MYLK: variants seen among roughly 807,000 people sequenced by gnomAD.
MYLK encodes myosin light chain kinase, also known as myosin light chain kinase, smooth muscle.
In MYLK, 106 loss-of-function variants were observed where a neutral mutation model predicts 203.4. That is an observed-to-expected ratio of 0.52 (90% CI 0.45 to 0.61). The LOEUF (loss-of-function observed/expected upper bound fraction) is 0.61. Among genes scored for constraint, MYLK ranks in the 20% least tolerant of loss-of-function variants. The pLI is 0.00. For synonymous variants in MYLK, 867 were observed against 959.5 expected (o/e 0.90, Z 1.78); for missense variants, 2,072 against 2,442.3 (o/e 0.85, Z 3.20).
At chr3:123,622,892 A>C (rs1262795147) in intron 31 of MYLK, 1 of 152,168 alleles carries the variant, frequency 6.6e-6, no homozygotes, top group Non-Finnish European at 1.5e-5. Context: ...CCAAGTTTTG[A>C]TTTTGTAATT....
intron 24 of MYLK, among the ~76,000 whole-genome samples, chr3:123,652,137 T>A (rs1265822375): frequency 6.6e-6 from 1 of 152,116 alleles, no homozygotes; most frequent in African/African-American, 2.4e-5. Context: ...TCCCTTCTTG[T>A]CCTGCCTCTC....
chr3:123,808,630 C>T (rs986094143), intron 3 of MYLK, among the ~76,000 whole-genome samples: 16 of 152,160 alleles, frequency 1.1e-4, no homozygotes, highest in African/African-American at 3.1e-4. Context: ...TCAGGGATGG[C>T]TAAGTCAGAG....
intron 10 of MYLK, among the ~76,000 whole-genome samples, 199 bp downstream of exon 10, chr3:123,733,488 G>A (rs2062560150): frequency 6.6e-6 from 1 of 152,178 alleles, no homozygotes; most frequent in Admixed American, 6.5e-5. Context: ...GCTACTGTTA[G>A]GGGTCTCTCC....
intron 2 of MYLK, among the ~76,000 whole-genome samples, chr3:123,852,251 G>C (rs903824693): frequency 1.3e-5 from 2 of 152,106 alleles, no homozygotes; most frequent in Admixed American, 6.5e-5. Context: ...GGATGATGCT[G>C]GCCTCATAAA....
chr3:123,646,404 G>A (rs1205825670), intron 27 of MYLK, among the ~76,000 whole-genome samples: 2 of 152,172 alleles, frequency 1.3e-5, no homozygotes, highest in East Asian at 3.8e-4. Flanking sequence ...ATTTTTTGAG[G>A]TGATTGTAGC....
At chr3:123,758,732 C>T (rs2063440420) in intron 4 of MYLK, among the ~76,000 whole-genome samples, 3 of 152,196 alleles carry the variant, frequency 2.0e-5, no homozygotes. Flanking sequence ...CCAACCTTAT[C>T]AACACATGCA....
intron 18 of MYLK, among the ~76,000 whole-genome samples, chr3:123,698,270 G>A (rs920374980): frequency 2.6e-5 from 4 of 152,144 alleles, no homozygotes; most frequent in Non-Finnish European, 1.5e-5. Flanking sequence ...CACTAGCAAA[G>A]AAGAACTCAA....
Position 123,610,694 on chromosome 3 carries a change from G to C in MYLK, c.*3411C>G, listed in dbSNP as rs1186689481. 6.6e-6 allele frequency: 1 copy of C among 152,194 alleles called. No individual in the cohort carries two copies. Among genetic ancestry groups the C allele is most frequent in the Non-Finnish European group, 1.5e-5 (1 of 68,044 alleles). 9.4% of individuals were successfully genotyped at this position (152,194 alleles called of 1,614,324 possible). On this transcript the variant is annotated 3_prime_UTR_variant, in exon 34 of 34. Coordinates refer to ENST00000360304, the MANE Select transcript of MYLK (RefSeq NM_053025.4). ...GAAGGAGTCCCAAGGGATAAAGAGA[G>C]TAGTGCTACTTGTGTTTTCTTGAAA...
chr3:123,786,830 C>T (rs950632785), intron 4 of MYLK, among the ~76,000 whole-genome samples: 7 of 152,122 alleles, frequency 4.6e-5, no homozygotes, highest in Non-Finnish European at 4.4e-5. Flanking sequence ...ACTATGTATA[C>T]ATGGCCCATT....
rs551843172 is a variant in MYLK at position 123,789,797 on chromosome 3, T to G, written c.165+3880A>C. Among the ~76,000 whole-genome samples, 85 of 152,216 alleles carry G rather than the reference T, an allele frequency of 5.6e-4. 1 individual carries two copies. The South Asian group carries it at 0.017, about 30-fold the overall frequency. On this transcript the variant is annotated intron_variant, in intron 4 of 33. Coordinates refer to ENST00000360304, the MANE Select transcript of MYLK (RefSeq NM_053025.4). ...ACTTCCTCTCATAAACCCTAGGCCC[T>G]GCTGGTTCAAGCCTAATGGCCACAG...
At chr3:123,742,636 T>A (rs1194765294) in intron 5 of MYLK, among the ~76,000 whole-genome samples, 1 of 152,162 alleles carries the variant, frequency 6.6e-6, no homozygotes, top group Non-Finnish European at 1.5e-5. Context: ...TAACATTTCA[T>A]CACAAAATAT....
At position 123,733,843 on chromosome 3, in the gene MYLK, T is replaced by C. The variant is rs777019877; in HGVS notation, c.1153A>G (p.Arg385Gly). 1 of 1,614,160 alleles carries C rather than the reference T, an allele frequency of 6.2e-7. No individual in the cohort carries two copies. Among genetic ancestry groups the C allele is most frequent in the African/African-American group, 1.3e-5 (1 of 75,044 alleles). Reference protein sequence around the residue: ...APPRPATFPTRQPGLGSQDVV... With the variant: ...APPRPATFPTGQPGLGSQDVV... ...TCTTGGCTCCCCAGGCCAGGCTGCCTGGTGGGGAAGGTGGCTGGACGGGGA... is the reference window on the plus strand; with the variant it reads ...TCTTGGCTCCCCAGGCCAGGCTGCCCGGTGGGGAAGGTGGCTGGACGGGGA... Residue 385 changes from arginine to glycine, a missense_variant, in exon 10 of 34, where the codon AGG (arginine) becomes GGG (glycine). Coordinates refer to ENST00000360304, the MANE Select transcript of MYLK (RefSeq NM_053025.4).
intron 20 of MYLK, among the ~76,000 whole-genome samples, chr3:123,669,473 A>G (rs904594726): frequency 6.6e-6 from 1 of 151,930 alleles, no homozygotes; most frequent in Admixed American, 6.6e-5. Context: ...GATAACTGGC[A>G]ACATCTGAAT....
Position 123,700,843 on chromosome 3 carries a change from C to T in MYLK, c.2625G>A (p.Arg875=), listed in dbSNP as rs1192473882. 1 of 1,614,078 alleles carries T rather than the reference C, an allele frequency of 6.2e-7. No homozygotes were observed. Among genetic ancestry groups the T allele is most frequent in the Non-Finnish European group, 8.5e-7 (1 of 1,180,040 alleles). ...CAGTGTGCTGCCTCGTCTCCACGCGCCTCTTCAGCACCCCTCGCACGTCCT... is the reference window on the plus strand; with the variant it reads ...CAGTGTGCTGCCTCGTCTCCACGCGTCTCTTCAGCACCCCTCGCACGTCCT... ...DGEDVRGVLK[R]RVETRQHTEE... is the part of the protein sequence containing the mutation. The change falls in exon 18 of 34, where the codon AGG becomes AGA. Residue 875 remains arginine, a synonymous_variant. Transcript: ENST00000360304.
chr3:123,872,466 A>T (rs905416483), intron 2 of MYLK, among the ~76,000 whole-genome samples: 3 of 152,148 alleles, frequency 2.0e-5, no homozygotes, highest in African/African-American at 4.8e-5. Flanking sequence ...TCAGTCCCCA[A>T]GACTGCCCCC....
At chr3:123,615,409 C>G (rs1576291003) in intron 33 of MYLK, among the ~76,000 whole-genome samples, 5 of 151,952 alleles carry the variant, frequency 3.3e-5, no homozygotes, top group Admixed American at 3.3e-4. Context: ...TCTTGGCTCA[C>G]TGTAACCTCC....
chr3:123,709,976 A>G lies in MYLK; in HGVS notation c.1805-83T>C, dbSNP rs1273690076. On this transcript the variant is annotated intron_variant, in intron 13 of 33. Coordinates refer to ENST00000360304, the MANE Select transcript of MYLK (RefSeq NM_053025.4). The stretch of plus-strand genomic sequence containing the variant: ...AGACTAAATGACCACTTGGTACATG[A>G]CTGTGTTGATGCTCAGTTCCCACCA... 19 of 1,568,090 alleles carry G rather than the reference A, an allele frequency of 1.2e-5. No individual in the cohort carries two copies. In the African/African-American group the frequency reaches 1.6e-4, roughly 13 times the overall value.
At chr3:123,805,093 CG>C (rs558790992) in intron 3 of MYLK, among the ~76,000 whole-genome samples, 167 of 152,286 alleles carry the variant, frequency 1.1e-3, no homozygotes, top group African/African-American at 3.4e-3. Flanking sequence ...TGCCATCACT[CG>C]TTTGGCTCTG....
At chr3:123,877,938 T>C (rs1017731425) in intron 1 of MYLK, among the ~76,000 whole-genome samples, 2 of 152,184 alleles carry the variant, frequency 1.3e-5, no homozygotes, top group African/African-American at 4.8e-5. Flanking sequence ...GAATGAAGTA[T>C]ACCTAGCCCT....
Sources: gnomAD v4.1 joint callset for allele counts (sites outside exome capture counted in the v4.1 genomes callset) on GRCh38, gnomAD v4.1.1 for gene constraint, MANE v1.5 for transcripts, NCBI Gene and HGNC (gene_info 2026-07-23, HGNC 2026-07-21) for gene names.